Variants in CAMK2G observed in about 807,000 individuals in gnomAD.
The protein encoded by CAMK2G is calcium/calmodulin dependent protein kinase II gamma.
In CAMK2G, 23 loss-of-function variants were observed where a neutral mutation model predicts 88.7. The observed-to-expected ratio is 0.26, with a 90% CI of 0.19 to 0.37. The LOEUF is 0.37. Among genes scored for constraint, CAMK2G ranks in the 10% least tolerant of loss-of-function variants. The pLI is 1.00. For synonymous variants in CAMK2G, 263 were observed against 294.8 expected, an observed-to-expected ratio of 0.89 and a Z score of 1.11; for missense variants, 476 against 780.8, an observed-to-expected ratio of 0.61 and a Z score of 4.65.
In CAMK2G at chr10:73,815,121, G is replaced by C; in HGVS notation, c.1661C>G (p.Pro554Arg). 6.2e-7 allele frequency: 1 copy of C among 1,614,214 alleles called. No individual in the cohort carries two copies. Among genetic ancestry groups the C allele is most frequent in the East Asian group, 2.2e-5 (1 of 44,890 alleles). The change falls in exon 22 of 23, where the codon CCT becomes CGT. Residue 554 changes from proline to arginine, a missense_variant. Physicochemically the swap from Pro to Arg is moderately radical, Grantham distance 103. Around this residue, in one of 3 missense-constraint regions of CAMK2G, gnomAD observed 278 missense variants for 366.5 expected, o/e 0.76. Transcript: ENST00000423381. ...GGTCTCTTCTGACTGGCTGGTGCGA[G>C]GCCGACCCTGCCCGTCGATGTACTG... ...LTQYIDGQGR[P>R]RTSQSEETRV...
At chr10:73,821,808 T>A in intron 17 of CAMK2G, 78 bp from the exon 18 acceptor site, 1 of 1,154,010 alleles carries the variant, frequency 8.7e-7, no homozygotes, top group Non-Finnish European at 1.3e-6. Context: ...AAAAGCAGAG[T>A]TTCTGCTCCT....
rs2084613024 is a variant in CAMK2G at position 73,813,338 on chromosome 10, C to T, written c.*1180G>A. On this transcript the variant is annotated 3_prime_UTR_variant, in exon 23 of 23. Coordinates refer to ENST00000423381, the MANE Select transcript of CAMK2G (RefSeq NM_001367534.1). ...CAGTAAAGAGGCCTCTGTAAGGACA[C>T]CTCTTCTTCTTGCCAGAGCAGTCAG... 1 of 152,688 alleles carries T rather than the reference C, an allele frequency of 6.5e-6. No individual in the cohort carries two copies. Among genetic ancestry groups the T allele is most frequent in the Non-Finnish European group, 1.5e-5 (1 of 68,064 alleles). The allele number at this position is 152,688 out of a possible 1,614,324, so 9.5% of individuals were successfully genotyped here.
At chr10:73,828,248 C>T (rs1005272254) in intron 14 of CAMK2G, 127 bp from the exon 15 acceptor site, 29 of 750,404 alleles carry the variant, frequency 3.9e-5, no homozygotes, top group African/African-American at 6.9e-5. Context: ...GAGGGAGACC[C>T]GGAGTCCAGC....
intron 16 of CAMK2G, among the ~76,000 whole-genome samples, chr10:73,824,362 T>C (rs1286534444): frequency 6.6e-6 from 1 of 152,176 alleles, no homozygotes; most frequent in African/African-American, 2.4e-5. Flanking sequence ...CTGTCCCTGA[T>C]TCCTGTCAGT....
At position 73,812,952 on chromosome 10, in the gene CAMK2G, C is replaced by G. The variant is rs2084554392; in HGVS notation, c.*1566G>C. ...GCACCAGCACCTGTGAGTCTGCTCT[C>G]TTCTCAGCTGGCTCCCAAGTAAACC... On this transcript the variant is annotated 3_prime_UTR_variant, in exon 23 of 23. Coordinates refer to ENST00000423381, the MANE Select transcript of CAMK2G (RefSeq NM_001367534.1). 1.3e-5 allele frequency: 2 copies of G among 152,726 alleles called. No homozygotes were observed. Among genetic ancestry groups the G allele is most frequent in the African/African-American group, 4.8e-5 (2 of 41,462 alleles). The allele number at this position is 152,726 out of a possible 1,614,324, so 9.5% of individuals were successfully genotyped here. A position where few individuals can be genotyped will look rare whatever the true frequency, so the allele number is the denominator to read the frequency against.
At chr10:73,860,934 T>C in intron 2 of CAMK2G, 45 bp from the exon 3 acceptor site, 1 of 1,363,972 alleles carries the variant, frequency 7.3e-7, no homozygotes, top group Non-Finnish European at 1.0e-6. Context: ...CCATCCATTC[T>C]CCTTGTGGTC....
At chr10:73,847,846 G>T in intron 9 of CAMK2G, 142 bp downstream of exon 9, 1 of 594,918 alleles carries the variant, frequency 1.7e-6, no homozygotes, top group Non-Finnish European at 3.0e-6. Flanking sequence ...TTGGGCCCTG[G>T]ATGCCCATTC....
At chr10:73,821,033 C>CT (rs2088449581) in intron 18 of CAMK2G, among the ~76,000 whole-genome samples, 1 of 151,974 alleles carries the variant, frequency 6.6e-6, no homozygotes, top group African/African-American at 2.4e-5. Flanking sequence ...TGGTTTTGAA[C>CT]TCCTGACCTC....
intron 18 of CAMK2G, among the ~76,000 whole-genome samples, chr10:73,819,974 G>GT (rs2087304645): frequency 6.6e-6 from 1 of 152,246 alleles, no homozygotes. Context: ...GAGCCCAGCA[G>GT]TGACAGCGCC....
rs1253620605 is a variant in CAMK2G, at chr10:73,835,817, A to C, written c.1053+1651T>G. 5.9e-5 allele frequency among the ~76,000 whole-genome samples: 9 copies of C among 152,084 alleles called. No individual in the cohort carries two copies. The East Asian group carries it at 1.7e-3, about 29-fold the overall frequency. ...AATTTGTTGTTTTTAAGTTATAGAAATGTCATGTTGTTTTCTTTTCTCTTT... is the reference window on the plus strand; with the variant it reads ...AATTTGTTGTTTTTAAGTTATAGAACTGTCATGTTGTTTTCTTTTCTCTTT... On this transcript the variant is annotated intron_variant, in intron 14 of 22. Coordinates refer to ENST00000423381, the MANE Select transcript of CAMK2G (RefSeq NM_001367534.1).
At chr10:73,863,635 CAGA>C (rs1007485149) in intron 2 of CAMK2G, among the ~76,000 whole-genome samples, 1 of 152,194 alleles carries the variant, frequency 6.6e-6, no homozygotes, top group Admixed American at 6.5e-5. Flanking sequence ...AGGGAAGGCC[CAGA>C]AGATTAATGT....
Position 73,854,695 on chromosome 10 carries a change from T to C in CAMK2G, c.221-1449A>G, listed in dbSNP as rs76846581. On this transcript the variant is annotated intron_variant, in intron 3 of 22. Coordinates refer to ENST00000423381, the MANE Select transcript of CAMK2G (RefSeq NM_001367534.1). ...ACACGTTTCCTCAGGGCTGAGGTGC[T>C]TCCCTATGTCCCCTCCCCACGAAGC... Among the ~76,000 whole-genome samples, 443 of 152,290 alleles carry C rather than the reference T, an allele frequency of 2.9e-3. 7 individuals are homozygous for C. In the East Asian group the frequency reaches 0.055, roughly 19 times the overall value.
intron 17 of CAMK2G, among the ~76,000 whole-genome samples, chr10:73,823,818 G>C (rs1464598226): frequency 6.6e-6 from 1 of 152,188 alleles, no homozygotes; most frequent in Non-Finnish European, 1.5e-5. Flanking sequence ...GGATACTAAG[G>C]TGCAGGGCCA....
rs60725888 is a variant in CAMK2G, at chr10:73,829,700, G to GGTGTGTGT, written c.1054-1587_1054-1580dup. Among the ~76,000 whole-genome samples the GGTGTGTGT allele has an allele frequency of 6.6e-3, 913 of 138,400 alleles. 1 individual carries two copies. The highest frequency in any genetic ancestry group is 0.012 in the South Asian group (52 of 4,242). The allele number at this position is 138,400 out of a possible 152,430, so 90.8% of individuals were successfully genotyped here. A position where few individuals can be genotyped will look rare whatever the true frequency, so the allele number is the denominator to read the frequency against. The stretch of plus-strand genomic sequence containing the variant: ...TTATATTCATATATATAAGTAGTGG[G>GGTGTGTGT]GTGTGTGTGTGTGTGTGTGTGTGTG... On this transcript the variant is annotated intron_variant, in intron 14 of 22. Coordinates refer to ENST00000423381, the MANE Select transcript of CAMK2G (RefSeq NM_001367534.1).
chr10:73,871,259 T>C (rs1039140655), intron 2 of CAMK2G, among the ~76,000 whole-genome samples: 3 of 148,266 alleles, frequency 2.0e-5, no homozygotes, highest in Admixed American at 2.0e-4. Flanking sequence ...TAAAAGGAGG[T>C]GAGGAAGGGA....
intron 2 of CAMK2G, among the ~76,000 whole-genome samples, chr10:73,863,461 C>T (rs2095467562): frequency 6.6e-6 from 1 of 152,196 alleles, no homozygotes; most frequent in Admixed American, 6.5e-5. Flanking sequence ...TCCTTCCATC[C>T]CTGGACTTGA....
intron 15 of CAMK2G, among the ~76,000 whole-genome samples, chr10:73,827,646 C>A (rs1001816354): frequency 6.6e-6 from 1 of 152,224 alleles, no homozygotes; most frequent in Non-Finnish European, 1.5e-5. Flanking sequence ...GGGGGCAGAG[C>A]CAGGAGAGCG....
intron 9 of CAMK2G, among the ~76,000 whole-genome samples, chr10:73,847,686 GCCTTTTGTC>G (rs1483744234): frequency 1.3e-5 from 2 of 152,168 alleles, no homozygotes; most frequent in African/African-American, 4.8e-5. Context: ...GAGTCTCCAG[GCCTTTTGTC>G]CCTGTGTTAC....
chr10:73,815,493 T>A (rs2085156828), intron 21 of CAMK2G, among the ~76,000 whole-genome samples: 1 of 151,546 alleles, frequency 6.6e-6, no homozygotes, highest in African/African-American at 2.4e-5. Flanking sequence ...GCGCTTTTAA[T>A]CAGGCATTGT....
Sources: allele counts gnomAD v4.1 joint callset (sites outside exome capture counted in the v4.1 genomes callset), GRCh38; gene constraint gnomAD v4.1.1; regional missense constraint gnomAD v4.1.1; transcripts MANE v1.5; gene names NCBI Gene and HGNC (gene_info 2026-07-23, HGNC 2026-07-21).